The following DNER variants were observed in gnomAD, a reference collection of about 807,000 sequenced individuals.
DNER encodes delta and Notch-like epidermal growth factor-related receptor.
DNER carries 33 observed loss-of-function variants against 78.2 expected under a neutral mutation model. The ratio of observed to expected loss-of-function variants is 0.42; its 90% confidence interval spans 0.32 to 0.56. The LOEUF (loss-of-function observed/expected upper bound fraction) is 0.56. Ranked by LOEUF, DNER falls within the 20% of genes least tolerant of loss-of-function variation. DNER has a pLI of 0.11. For missense variants in DNER, 918 were observed against 975.3 expected, an observed-to-expected ratio of 0.94 and a Z score of 0.78; for synonymous variants, 417 against 384.8, an observed-to-expected ratio of 1.08 and a Z score of -0.98.
chr2:229,677,820 G>A (rs1005606202), intron 1 of DNER, among the ~76,000 whole-genome samples: 1 of 152,144 alleles, frequency 6.6e-6, no homozygotes, highest in East Asian at 1.9e-4. Context: ...TAAATGGATA[G>A]CTAGGTGCCC....
intron 1 of DNER, among the ~76,000 whole-genome samples, chr2:229,617,618 G>A (rs1698188202): frequency 6.6e-6 from 1 of 152,180 alleles, no homozygotes; most frequent in Non-Finnish European, 1.5e-5. Flanking sequence ...AGAAGACAAA[G>A]GAAAAATAGT....
chr2:229,434,348 A>G (rs577556870), intron 8 of DNER, among the ~76,000 whole-genome samples: 1 of 152,352 alleles, frequency 6.6e-6, no homozygotes, highest in East Asian at 1.9e-4. Context: ...TCCTTTAAGA[A>G]CAGTTTTAGA....
chr2:229,484,951 T>C (rs561984022), intron 6 of DNER, among the ~76,000 whole-genome samples: 7 of 152,224 alleles, frequency 4.6e-5, no homozygotes, highest in Middle Eastern at 3.2e-3. Context: ...GGAATATTTA[T>C]AATCCCTAGC....
In DNER at chr2:229,591,809, T is replaced by A. The variant is rs1334742958; in HGVS notation, c.356A>T (p.Tyr119Phe). The change falls in exon 2 of 13, where the codon TAC becomes TTC. Residue 119 changes from tyrosine to phenylalanine, a missense_variant. Physicochemically the swap from Tyr to Phe is conservative, Grantham distance 22 (BLOSUM62 3). Transcript: ENST00000341772. This position sits in a 1 kb window ranked among gnomAD's most constrained non-coding sequence, Gnocchi z 4.6. ...SSSSSSSSDG[Y>F]LCICNEGYEG... Reference sequence around the variant, plus strand: ...ATAGCCTTCATTGCAAATGCAGAGGTAGCCATCGCTGCTGCTGCTGCTGCT... The same window carrying A: ...ATAGCCTTCATTGCAAATGCAGAGGAAGCCATCGCTGCTGCTGCTGCTGCT... 4 of 1,613,464 alleles carry A rather than the reference T, an allele frequency of 2.5e-6. No homozygotes were observed. Among genetic ancestry groups the A allele is most frequent in the Non-Finnish European group, 2.5e-6 (3 of 1,179,758 alleles).
At chr2:229,702,820 G>A (rs1432343951) in intron 1 of DNER, among the ~76,000 whole-genome samples, 2 of 151,720 alleles carry the variant, frequency 1.3e-5, no homozygotes, top group Non-Finnish European at 2.9e-5. Flanking sequence ...GGGAGGCTGA[G>A]GCAGGAGAAC....
At chr2:229,692,511 C>T (rs190960481) in intron 1 of DNER, among the ~76,000 whole-genome samples, 15 of 152,278 alleles carry the variant, frequency 9.9e-5, no homozygotes, top group African/African-American at 3.6e-4. Flanking sequence ...AAGTTGATTA[C>T]CATTTTCAGA....
chr2:229,688,652 T>C (rs1315839703), intron 1 of DNER, among the ~76,000 whole-genome samples: 2 of 152,192 alleles, frequency 1.3e-5, no homozygotes, highest in African/African-American at 2.4e-5. Flanking sequence ...AGATTTAATG[T>C]ATAAGACTGC....
intron 1 of DNER, among the ~76,000 whole-genome samples, chr2:229,630,590 T>C (rs1269186664): frequency 6.6e-6 from 1 of 151,678 alleles, no homozygotes; most frequent in East Asian, 1.9e-4. Flanking sequence ...AGCTAATATA[T>C]ATATTTGGAC....
chr2:229,690,836 A>C (rs535538097), intron 1 of DNER, among the ~76,000 whole-genome samples: 1 of 152,222 alleles, frequency 6.6e-6, no homozygotes, highest in Non-Finnish European at 1.5e-5. Flanking sequence ...GTGTGTATAC[A>C]TGTTTGTAGA....
intron 5 of DNER, among the ~76,000 whole-genome samples, chr2:229,523,000 C>T (rs28534694): frequency 0.025 from 3,798 of 152,268 alleles, 158 homozygotes; most frequent in African/African-American, 0.086. Flanking sequence ...GATTGAGTCT[C>T]ATTGTAAAGA....
intron 8 of DNER, among the ~76,000 whole-genome samples, chr2:229,439,354 C>T (rs1007529803): frequency 1.3e-5 from 2 of 152,228 alleles, no homozygotes; most frequent in African/African-American, 4.8e-5. Context: ...TGCGCTAATG[C>T]TCCACCATTT....
intron 1 of DNER, among the ~76,000 whole-genome samples, chr2:229,713,261 G>A (rs1030482063): frequency 1.3e-5 from 2 of 152,360 alleles, no homozygotes; most frequent in East Asian, 1.9e-4. Flanking sequence ...AAATGTTGAT[G>A]TTAATAGGTT....
intron 8 of DNER, among the ~76,000 whole-genome samples, chr2:229,439,588 T>C (rs1257625500): frequency 6.6e-6 from 1 of 152,176 alleles, no homozygotes; most frequent in African/African-American, 2.4e-5. Flanking sequence ...GGATTTCAGT[T>C]CTAAAATCCA....
intron 6 of DNER, among the ~76,000 whole-genome samples, chr2:229,491,265 A>G (rs1022636942): frequency 6.6e-6 from 1 of 152,222 alleles, no homozygotes; most frequent in Non-Finnish European, 1.5e-5. Flanking sequence ...TAGGAAATTT[A>G]CGAGGTGCAT....
intron 1 of DNER, among the ~76,000 whole-genome samples, chr2:229,600,715 C>T (rs757974151): frequency 6.6e-6 from 1 of 152,194 alleles, no homozygotes; most frequent in Non-Finnish European, 1.5e-5. Context: ...CTTTCCTTCA[C>T]TAGAAGAAAT....
At chr2:229,597,006 C>T (rs1024369296) in intron 1 of DNER, among the ~76,000 whole-genome samples, 1 of 151,496 alleles carries the variant, frequency 6.6e-6, no homozygotes, top group African/African-American at 2.4e-5. Flanking sequence ...CACACATATA[C>T]ATGCACACAC....
chr2:229,557,819 G>T (rs1381398586), intron 4 of DNER, among the ~76,000 whole-genome samples: 1 of 152,108 alleles, frequency 6.6e-6, no homozygotes, highest in Non-Finnish European at 1.5e-5. Flanking sequence ...AGACAGTGTG[G>T]CAATTCCTCG....
chr2:229,705,794 A>C (rs1699817800), intron 1 of DNER, among the ~76,000 whole-genome samples: 1 of 152,100 alleles, frequency 6.6e-6, no homozygotes, highest in Non-Finnish European at 1.5e-5. Context: ...CATCTTTCCA[A>C]CCATCCTGTC....
rs375473151 is a variant in DNER at position 229,564,099 on chromosome 2, TCAA to T, written c.848-17010_848-17008del. ...CATCCTCACCCCATCACCATCATCA[TCAA>T]CATCATCACCCCATCACCATCATCA... On this transcript the variant is annotated intron_variant, in intron 4 of 12. Transcript: ENST00000341772. Among the ~76,000 whole-genome samples the T allele has an allele frequency of 3.9e-4, 55 of 140,950 alleles. 2 individuals carry two copies. The East Asian group carries it at 7.0e-3, about 18-fold the overall frequency. 92.5% of individuals were successfully genotyped at this position (140,950 alleles called of 152,430 possible). A position where few individuals can be genotyped will look rare whatever the true frequency, so the allele number is the denominator to read the frequency against.
Sources: allele counts gnomAD v4.1 joint callset (sites outside exome capture counted in the v4.1 genomes callset), GRCh38; gene constraint gnomAD v4.1.1; non-coding constraint Gnocchi (gnomAD v3.1); transcripts MANE v1.5; gene names NCBI Gene and HGNC (gene_info 2026-07-23, HGNC 2026-07-21).